The following ATP10D variants were observed in gnomAD, a reference collection of about 807,000 sequenced individuals.
The protein encoded by ATP10D is ATPase phospholipid transporting 10D (putative).
Under a neutral mutation model 144.8 loss-of-function variants are expected in ATP10D, and 89 were observed. The ratio of observed to expected loss-of-function variants is 0.61; its 90% confidence interval spans 0.52 to 0.73. The LOEUF (loss-of-function observed/expected upper bound fraction) is 0.73, where lower values mean the gene tolerates loss of function less well. Ranked by LOEUF, ATP10D falls within the 30% of genes least tolerant of loss-of-function variation. ATP10D has a pLI of 0.00. For synonymous variants in ATP10D, 571 were observed against 615.1 expected, an observed-to-expected ratio of 0.93 and a Z score of 1.06; for missense variants, 1,603 against 1,714.8, an observed-to-expected ratio of 0.93 and a Z score of 1.15.
chr4:47,577,161 A>G (rs1215896375), intron 19 of ATP10D, among the ~76,000 whole-genome samples, 188 bp downstream of exon 19: 3 of 152,226 alleles, frequency 2.0e-5, no homozygotes, highest in Non-Finnish European at 4.4e-5. Context: ...TTAATCTATG[A>G]AGGGCCTTAT....
rs775213236 is a variant in ATP10D at position 47,569,147 on chromosome 4, G to A, written c.3163+1G>A. The A allele has an allele frequency of 2.5e-6, 4 of 1,611,294 alleles. No homozygotes were observed. In the South Asian group the frequency reaches 4.4e-5, roughly 18 times the overall value. The stretch of plus-strand genomic sequence containing the variant: ...CTCCAGGTGATGACCCTTGCTATTG[G>A]TGAGTGAGGATGAATCTGAGTCCTG... On this transcript the variant is annotated splice_donor_variant, in intron 16 of 22. Transcript: ENST00000273859. LOFTEE classifies it high-confidence loss of function.
chr4:47,548,682 G>C (rs878892579), intron 10 of ATP10D, among the ~76,000 whole-genome samples: 1 of 152,164 alleles, frequency 6.6e-6, no homozygotes, highest in South Asian at 2.1e-4. Flanking sequence ...GGATGCTCTT[G>C]TGCTGCTGTT....
intron 18 of ATP10D, among the ~76,000 whole-genome samples, chr4:47,575,026 A>G (rs1157977904): frequency 6.6e-6 from 1 of 152,040 alleles, no homozygotes; most frequent in African/African-American, 2.4e-5. Flanking sequence ...CATGTTGGCT[A>G]GGATGGTCTT....
At chr4:47,548,073 G>A (rs1026089802) in intron 10 of ATP10D, among the ~76,000 whole-genome samples, 16 of 151,656 alleles carry the variant, frequency 1.1e-4, no homozygotes, top group Admixed American at 5.2e-4. Context: ...ATCTATCCTT[G>A]TATTGAACTT....
intron 22 of ATP10D, among the ~76,000 whole-genome samples, chr4:47,589,373 C>G (rs1720928209): frequency 6.6e-6 from 1 of 152,140 alleles, no homozygotes; most frequent in Non-Finnish European, 1.5e-5. Context: ...GAATAGGTTT[C>G]TGCTATAACA....
Position 47,546,808 on chromosome 4 carries a change from A to T in ATP10D, c.1581A>T (p.Gly527=). 1.2e-6 allele frequency: 2 copies of T among 1,613,532 alleles called. No individual in the cohort carries two copies. Among genetic ancestry groups the T allele is most frequent in the Middle Eastern group, 1.8e-4 (1 of 5,560 alleles). Residue 527 remains glycine, a synonymous_variant, in exon 10 of 23, where the codon GGA becomes GGT. Coordinates refer to ENST00000273859, the MANE Select transcript of ATP10D (RefSeq NM_020453.4). ...GGAGCTCTTTTACTCTAGGAAGTGGAGAAGGAGCCAGTGAAGTGCCTCATT... is the reference window on the plus strand; with the variant it reads ...GGAGCTCTTTTACTCTAGGAAGTGGTGAAGGAGCCAGTGAAGTGCCTCATT... The part of the protein sequence containing the change: ...LAGSSFTLGS[G]EGASEVPHSR...
intron 19 of ATP10D, among the ~76,000 whole-genome samples, chr4:47,579,459 T>C (rs1720402796): frequency 6.6e-6 from 1 of 152,182 alleles, no homozygotes; most frequent in African/African-American, 2.4e-5. Context: ...GTTTCCATGG[T>C]AGTAAGTGCC....
chr4:47,512,626 A>G lies in ATP10D; in HGVS notation c.86A>G (p.Asn29Ser), dbSNP rs757014021. Residue 29 changes from asparagine (N) to serine (S), a missense_variant, in exon 2 of 23, where the codon AAC becomes AGC. Asn to Ser is a conservative substitution (Grantham distance 46). Transcript: ENST00000273859. The part of the protein sequence containing the change: ...ATRDDDSGPY[N>S]YSSLLACGRK... ...AGGGATGATGATTCAGGGCCATACA[A>G]CTATTCCTCGTTGCTCGCCTGTGGG... 5 of 1,614,012 alleles carry G rather than the reference A, an allele frequency of 3.1e-6. No homozygotes were observed. Among genetic ancestry groups the G allele is most frequent in the Non-Finnish European group, 4.2e-6 (5 of 1,180,032 alleles).
intron 5 of ATP10D, among the ~76,000 whole-genome samples, chr4:47,532,412 C>G (rs1200009776): frequency 6.6e-6 from 1 of 152,174 alleles, no homozygotes; most frequent in Non-Finnish European, 1.5e-5. Flanking sequence ...TTCTGACTAT[C>G]ATGACCTGAC....
At chr4:47,490,491 C>A (rs1303257316) in intron 1 of ATP10D, among the ~76,000 whole-genome samples, 3 of 152,226 alleles carry the variant, frequency 2.0e-5, no homozygotes, top group Non-Finnish European at 4.4e-5. Context: ...GATTGTCTTA[C>A]TTCATTTGAA....
intron 9 of ATP10D, among the ~76,000 whole-genome samples, chr4:47,540,326 C>A (rs1236121738): frequency 6.6e-6 from 1 of 152,162 alleles, no homozygotes; most frequent in Non-Finnish European, 1.5e-5. Context: ...CACCTGACAA[C>A]ACCATTGTAT....
chr4:47,537,203 T>C (rs9993362), intron 9 of ATP10D, among the ~76,000 whole-genome samples: 2,509 of 152,254 alleles, frequency 0.016, 71 homozygotes, highest in African/African-American at 0.057. Flanking sequence ...ATGACAATGA[T>C]ACTGTACTAT....
At chr4:47,491,446 C>G in intron 1 of ATP10D, 1 of 706,856 alleles carries the variant, frequency 1.4e-6, no homozygotes, top group South Asian at 1.4e-5. Context: ...CTCCTCTTTC[C>G]CTTTGTGTTT....
At chr4:47,565,261 G>C (rs934370115) in intron 15 of ATP10D, among the ~76,000 whole-genome samples, 1 of 152,052 alleles carries the variant, frequency 6.6e-6, no homozygotes, top group Non-Finnish European at 1.5e-5. Flanking sequence ...CGCCCGGCCT[G>C]GTTAGCATGT....
intron 3 of ATP10D, among the ~76,000 whole-genome samples, chr4:47,516,617 C>T (rs1181486045): frequency 4.6e-5 from 7 of 152,122 alleles, no homozygotes; most frequent in Admixed American, 3.3e-4. Flanking sequence ...CTGCAGAATT[C>T]GTATTTTGTT....
intron 1 of ATP10D, among the ~76,000 whole-genome samples, chr4:47,495,324 A>G (rs921196649): frequency 2.6e-5 from 4 of 152,202 alleles, no homozygotes; most frequent in African/African-American, 7.2e-5. Flanking sequence ...CTTTAAAAAA[A>G]AAGGAAAGAA....
At chr4:47,588,419 A>G (rs548976046) in intron 22 of ATP10D, among the ~76,000 whole-genome samples, 15 of 152,316 alleles carry the variant, frequency 9.8e-5, no homozygotes, top group African/African-American at 3.6e-4. Context: ...AATTTGGCCT[A>G]CTGTCTGATT....
At chr4:47,503,559 T>C (rs1488890437) in intron 1 of ATP10D, among the ~76,000 whole-genome samples, 3 of 152,212 alleles carry the variant, frequency 2.0e-5, no homozygotes, top group Non-Finnish European at 4.4e-5. Context: ...TATGAACTTA[T>C]ATAGCGCTTC....
chr4:47,557,543 G>T (rs2109447338), intron 11 of ATP10D, 121 bp from the exon 12 acceptor site: 1 of 989,136 alleles, frequency 1.0e-6, no homozygotes, highest in Middle Eastern at 3.7e-4. Context: ...TAGAGAATGG[G>T]CTGCTAGCCA....
Sources: allele counts gnomAD v4.1 joint callset (sites outside exome capture counted in the v4.1 genomes callset), GRCh38; gene constraint gnomAD v4.1.1; transcripts MANE v1.5; gene names NCBI Gene and HGNC (gene_info 2026-07-23, HGNC 2026-07-21).